The following NEMF variants were observed in gnomAD, a reference collection of about 807,000 sequenced individuals.
NEMF encodes the protein nuclear export mediator factor.
NEMF carries 89 observed loss-of-function variants against 162.2 expected under a neutral mutation model. That is an observed-to-expected ratio of 0.55 (90% confidence interval 0.46 to 0.65). The LOEUF is 0.65. Ranked by LOEUF, NEMF falls within the 30% of genes least tolerant of loss-of-function variation. The pLI is 0.00. For missense variants in NEMF, 1,133 were observed against 1,261.9 expected (o/e 0.90, Z 1.55); for synonymous variants, 421 against 404.5 (o/e 1.04, Z -0.49).
rs143071398 is a variant in NEMF, at chr14:49,793,100, G to A, written c.2619+2691C>T. 4.4e-3 allele frequency among the ~76,000 whole-genome samples: 673 copies of A among 152,106 alleles called. 19 individuals are homozygous for A. The highest frequency in any genetic ancestry group is 0.038 in the Admixed American group (573 of 15,262). On this transcript the variant is annotated intron_variant, in intron 26 of 32. Transcript: ENST00000298310. ...TTCAACAACCCAAAGGAAACATCCC[G>A]CAATGATAAAATCTTAGAAACAGTT...
chr14:49,810,862 A>G (rs1891444554), intron 18 of NEMF, among the ~76,000 whole-genome samples: 1 of 152,164 alleles, frequency 6.6e-6, no homozygotes, highest in Non-Finnish European at 1.5e-5. Flanking sequence ...ACAGTGGCAA[A>G]TGTCTATGGT....
chr14:49,807,882 G>A (rs1163936410), intron 18 of NEMF, among the ~76,000 whole-genome samples: 3 of 151,978 alleles, frequency 2.0e-5, no homozygotes, highest in Non-Finnish European at 4.4e-5. Flanking sequence ...GGGATTACAT[G>A]CATGAGCCAC....
Position 49,791,814 on chromosome 14 carries a change from A to G in NEMF, c.2620-2241T>C, listed in dbSNP as rs1890467454. On this transcript the variant is annotated intron_variant, in intron 26 of 32. Coordinates refer to ENST00000298310, the MANE Select transcript of NEMF (RefSeq NM_004713.6). ...CTACTATGTACACTGTACCTCAAAAAAAAATTGAGAAAGAATATTGTAACC... is the reference window on the plus strand; with the variant it reads ...CTACTATGTACACTGTACCTCAAAAGAAAATTGAGAAAGAATATTGTAACC... Among the ~76,000 whole-genome samples, 5 of 152,190 alleles carry G rather than the reference A, an allele frequency of 3.3e-5. No homozygotes were observed. In the South Asian group the frequency reaches 1.0e-3, roughly 32 times the overall value.
chr14:49,828,863 C>A, intron 13 of NEMF, 56 bp from the exon 14 acceptor site: 2 of 1,387,976 alleles, frequency 1.4e-6, no homozygotes, highest in Non-Finnish European at 1.9e-6. Context: ...CTTTTATTTT[C>A]AATTTTCTTC....
chr14:49,826,492 C>T (rs1356608912), intron 15 of NEMF, among the ~76,000 whole-genome samples: 2 of 138,654 alleles, frequency 1.4e-5, no homozygotes, highest in Admixed American at 8.1e-5. Context: ...GAATCCTCAA[C>T]GACTAACGGG....
At chr14:49,813,355 T>C (rs901751510) in intron 18 of NEMF, among the ~76,000 whole-genome samples, 4 of 152,234 alleles carry the variant, frequency 2.6e-5, no homozygotes, top group African/African-American at 7.2e-5. Context: ...GCATTTCAGA[T>C]AGGATACTCA....
chr14:49,802,378 A>C, intron 22 of NEMF, 75 bp downstream of exon 22: 1 of 1,461,634 alleles, frequency 6.8e-7, no homozygotes, highest in Non-Finnish European at 9.4e-7. Flanking sequence ...AAGAGACATG[A>C]TCTTCTAAGG....
chr14:49,804,382 TA>T (rs2139868206), intron 19 of NEMF, among the ~76,000 whole-genome samples: 1 of 152,114 alleles, frequency 6.6e-6, no homozygotes, highest in South Asian at 2.1e-4. Flanking sequence ...TCCCATAATT[TA>T]AAAAAATTTT....
At chr14:49,827,427 T>A (rs1253183385) in intron 15 of NEMF, among the ~76,000 whole-genome samples, 3 of 151,964 alleles carry the variant, frequency 2.0e-5, no homozygotes, top group African/African-American at 7.2e-5. Context: ...CTTCAAGCGA[T>A]CCACCGGCCT....
chr14:49,790,162 C>A (rs1890373176), intron 26 of NEMF, among the ~76,000 whole-genome samples: 1 of 152,076 alleles, frequency 6.6e-6, no homozygotes, highest in Non-Finnish European at 1.5e-5. Context: ...TGTCCCTAAA[C>A]AGGACACAAA....
intron 19 of NEMF, among the ~76,000 whole-genome samples, chr14:49,805,521 AAAACCCC>A (rs752905480): frequency 3.2e-4 from 48 of 152,072 alleles, no homozygotes; most frequent in Non-Finnish European, 6.3e-4. Context: ...AAAATGCAAA[AAAACCCC>A]AACAACATCA....
At chr14:49,814,357 C>A (rs969982377) in intron 17 of NEMF, among the ~76,000 whole-genome samples, 3 of 152,120 alleles carry the variant, frequency 2.0e-5, no homozygotes, top group Admixed American at 2.0e-4. Flanking sequence ...CCTGCCTCAG[C>A]CTCCCAAAGT....
At chr14:49,837,479 T>C (rs1344935392) in intron 6 of NEMF, among the ~76,000 whole-genome samples, 1 of 151,972 alleles carries the variant, frequency 6.6e-6, no homozygotes, top group Non-Finnish European at 1.5e-5. Flanking sequence ...AATGAGACCC[T>C]ACCTCTAAAA....
chr14:49,848,252 T>C (rs1163260623), intron 3 of NEMF, among the ~76,000 whole-genome samples: 1 of 152,158 alleles, frequency 6.6e-6, no homozygotes, highest in African/African-American at 2.4e-5. Context: ...TTCAATCCAA[T>C]GTAATAACTC....
At chr14:49,795,679 A>G in intron 26 of NEMF, 112 bp downstream of exon 26, 1 of 970,462 alleles carries the variant, frequency 1.0e-6, no homozygotes, top group Non-Finnish European at 1.5e-6. Context: ...GTCAAAGGAA[A>G]TCACACAGGA....
intron 28 of NEMF, among the ~76,000 whole-genome samples, chr14:49,788,327 G>C (rs921174757): frequency 1.0e-4 from 15 of 143,964 alleles, no homozygotes; most frequent in Non-Finnish European, 1.5e-4. Flanking sequence ...CATGTAAGAA[G>C]ATATACAGAA....
chr14:49,815,279 T>C (rs1427723758), intron 16 of NEMF, among the ~76,000 whole-genome samples: 1 of 152,198 alleles, frequency 6.6e-6, no homozygotes, highest in Non-Finnish European at 1.5e-5. Flanking sequence ...ATCTTTAATA[T>C]GATATTCTTT....
intron 17 of NEMF, among the ~76,000 whole-genome samples, chr14:49,814,363 A>G (rs1891624360): frequency 6.6e-6 from 1 of 152,024 alleles, no homozygotes; most frequent in African/African-American, 2.4e-5. Flanking sequence ...TCAGCCTCCC[A>G]AAGTGGCTGA....
At chr14:49,796,550 C>T (rs113798260) in intron 25 of NEMF, among the ~76,000 whole-genome samples, 5,844 of 152,228 alleles carry the variant, frequency 0.038, 131 homozygotes, top group Non-Finnish European at 0.059. Flanking sequence ...GGGGTTTCAC[C>T]ATGTTGGTCA....
Sources: allele counts gnomAD v4.1 joint callset (sites outside exome capture counted in the v4.1 genomes callset), GRCh38; gene constraint gnomAD v4.1.1; transcripts MANE v1.5; gene names NCBI Gene and HGNC (gene_info 2026-07-23, HGNC 2026-07-21).